The following RALGPS2 variants were observed in gnomAD, a reference collection of about 807,000 sequenced individuals.
RALGPS2 encodes Ral GEF with PH domain and SH3 binding motif 2, also known as ras-specific guanine nucleotide-releasing factor RalGPS2.
Under a neutral mutation model 86.8 loss-of-function variants are expected in RALGPS2, and 43 were observed. The observed-to-expected ratio is 0.50, with a 90% CI of 0.39 to 0.64. The LOEUF is 0.64. Ranked by LOEUF, RALGPS2 falls within the 30% of genes least tolerant of loss-of-function variation. RALGPS2 has a pLI of 0.00. For synonymous variants in RALGPS2, 243 were observed against 231.3 expected (o/e 1.05, Z -0.46); for missense variants, 536 against 694.6 (o/e 0.77, Z 2.57).
intron 8 of RALGPS2, chr1:178,870,731 T>C (rs1023424025): frequency 6.6e-6 from 1 of 152,160 alleles, no homozygotes; most frequent in Non-Finnish European, 1.5e-5. Flanking sequence ...ATAAAAGAAA[T>C]ATTAAATACC....
intron 4 of RALGPS2, among the ~76,000 whole-genome samples, chr1:178,797,740 G>A (rs990612246): frequency 1.2e-4 from 18 of 151,898 alleles, no homozygotes; most frequent in African/African-American, 4.4e-4. Context: ...TGTCATATAT[G>A]TAGATTTATC....
At chr1:178,748,376 T>C (rs549743868) in intron 1 of RALGPS2, among the ~76,000 whole-genome samples, 2 of 151,594 alleles carry the variant, frequency 1.3e-5, no homozygotes, top group African/African-American at 2.4e-5. Context: ...CTCCTAGGTA[T>C]CTACTGAAAG....
intron 1 of RALGPS2, among the ~76,000 whole-genome samples, chr1:178,771,000 A>G (rs1572311612): frequency 6.7e-6 from 1 of 149,006 alleles, no homozygotes; most frequent in Non-Finnish European, 1.5e-5. Context: ...CACCACGCCC[A>G]GCTAAATTTT....
rs567167507 is a variant in RALGPS2 at position 178,818,098 on chromosome 1, C to T, written c.388-3514C>T. Among the ~76,000 whole-genome samples the T allele has an allele frequency of 2.4e-3, 364 of 152,218 alleles. 1 individual carries two copies. Among genetic ancestry groups the T allele is most frequent in the African/African-American group, 8.4e-3 (348 of 41,550 alleles). The stretch of plus-strand genomic sequence containing the variant: ...TTTTCTGGCTGGGCATGGTGGCTCA[C>T]GCCTGTAATCCTAGCACTCTGGAAG... On this transcript the variant is annotated intron_variant, in intron 6 of 19. Transcript: ENST00000367635.
chr1:178,884,928 A>C, intron 11 of RALGPS2, 148 bp from the exon 12 acceptor site: 1 of 710,622 alleles, frequency 1.4e-6, no homozygotes, highest in Non-Finnish European at 2.1e-6. Flanking sequence ...TTTGTGTTTT[A>C]GGACTTAGAT....
chr1:178,726,523 T>A (rs1047838725), intron 1 of RALGPS2, among the ~76,000 whole-genome samples: 11 of 151,234 alleles, frequency 7.3e-5, no homozygotes, highest in Non-Finnish European at 1.5e-4. Context: ...GAGGGGCAAT[T>A]GAAATACTAA....
chr1:178,804,247 TTTC>T (rs1305992668), intron 4 of RALGPS2, among the ~76,000 whole-genome samples: 1 of 127,650 alleles, frequency 7.8e-6, no homozygotes, highest in African/African-American at 3.1e-5. Flanking sequence ...CTCTTAGCTG[TTTC>T]TTCTTTTTTT....
At chr1:178,856,673 A>T (rs138151930) in intron 8 of RALGPS2, among the ~76,000 whole-genome samples, 2 of 152,032 alleles carry the variant, frequency 1.3e-5, no homozygotes, top group African/African-American at 4.8e-5. Context: ...CATCATCGGT[A>T]ATTGTTAGTT....
At chr1:178,795,841 C>T (rs937111606) in intron 4 of RALGPS2, among the ~76,000 whole-genome samples, 6 of 152,068 alleles carry the variant, frequency 3.9e-5, no homozygotes, top group Non-Finnish European at 7.4e-5. Flanking sequence ...ATCCAAAGTT[C>T]CAGCATCAGG....
intron 2 of RALGPS2, among the ~76,000 whole-genome samples, chr1:178,781,397 A>G (rs1653387651): frequency 6.6e-6 from 1 of 152,194 alleles, no homozygotes; most frequent in Admixed American, 6.5e-5. Flanking sequence ...TCGTGTTTGA[A>G]GTTTCCGTCA....
At chr1:178,759,025 C>T (rs1446717934) in intron 1 of RALGPS2, among the ~76,000 whole-genome samples, 1 of 151,764 alleles carries the variant, frequency 6.6e-6, no homozygotes, top group Non-Finnish European at 1.5e-5. Flanking sequence ...TTCTGTAAGT[C>T]GTCTCTTTGT....
At chr1:178,877,312 C>T (rs1268315735) in intron 8 of RALGPS2, among the ~76,000 whole-genome samples, 186 bp from the exon 9 acceptor site, 1 of 152,042 alleles carries the variant, frequency 6.6e-6, no homozygotes, top group African/African-American at 2.4e-5. Flanking sequence ...ATGTCTGACC[C>T]CAACTGTATG....
intron 8 of RALGPS2, among the ~76,000 whole-genome samples, chr1:178,860,236 A>G (rs1657906416): frequency 6.6e-6 from 1 of 152,304 alleles, no homozygotes; most frequent in African/African-American, 2.4e-5. Flanking sequence ...TAACATTAAT[A>G]GTTAAGAATT....
chr1:178,873,291 A>T (rs970515109), intron 8 of RALGPS2, among the ~76,000 whole-genome samples: 11 of 152,228 alleles, frequency 7.2e-5, no homozygotes, highest in African/African-American at 2.7e-4. Context: ...AAGAAATTAG[A>T]AATCCATAAG....
In RALGPS2 at chr1:178,884,878, A is replaced by G. The variant is rs146815421; in HGVS notation, c.905-198A>G. On this transcript the variant is annotated intron_variant, in intron 11 of 19. Coordinates refer to ENST00000367635, the MANE Select transcript of RALGPS2 (RefSeq NM_152663.5). ...TATTTACACTGCCTCTACTTAGTAT[A>G]AGTAAGATAAAAATTAATGGATTTT... 4.8e-3 allele frequency among the ~76,000 whole-genome samples: 732 copies of G among 152,334 alleles called. 5 individuals carry two copies. Among genetic ancestry groups the G allele is most frequent in the Non-Finnish European group, 5.0e-3 (339 of 68,034 alleles).
chr1:178,878,356 C>T (rs1395705955), intron 9 of RALGPS2, among the ~76,000 whole-genome samples: 4 of 152,046 alleles, frequency 2.6e-5, no homozygotes, highest in African/African-American at 9.7e-5. Flanking sequence ...TTAAAGCTAA[C>T]TTTTGCTTCA....
chr1:178,807,900 G>T, intron 4 of RALGPS2, 145 bp from the exon 5 acceptor site: 1 of 673,892 alleles, frequency 1.5e-6, no homozygotes, highest in East Asian at 2.8e-5. Context: ...TGATCCAACT[G>T]AATGGATATA....
chr1:178,795,163 G>A (rs1197108614), intron 4 of RALGPS2, among the ~76,000 whole-genome samples: 2 of 150,782 alleles, frequency 1.3e-5, no homozygotes, highest in African/African-American at 4.9e-5. Context: ...CTGGGTGATG[G>A]AGTGAGACTC....
intron 1 of RALGPS2, among the ~76,000 whole-genome samples, chr1:178,735,267 A>ACTCCATGAAGTCC (rs1434107774): frequency 6.6e-6 from 1 of 152,152 alleles, no homozygotes; most frequent in East Asian, 1.9e-4. Flanking sequence ...CCATGAAGTC[A>ACTCCATGAAGTCC]TACTCCATGA....
Sources: allele counts gnomAD v4.1 joint callset (sites outside exome capture counted in the v4.1 genomes callset), GRCh38; gene constraint gnomAD v4.1.1; transcripts MANE v1.5; gene names NCBI Gene and HGNC (gene_info 2026-07-23, HGNC 2026-07-21).